Variants in LRRC28 observed in about 807,000 individuals in gnomAD.
LRRC28 encodes the protein leucine-rich repeat-containing protein 28.
In LRRC28, 39 loss-of-function variants were observed where a neutral mutation model predicts 45.7. The observed-to-expected ratio is 0.85, with a 90% CI of 0.66 to 1.12. The LOEUF is 1.12. LRRC28 is among the 50% of genes most tolerant of loss of function. LRRC28 has a pLI of 0.00. For synonymous variants in LRRC28, 206 were observed against 178.8 expected (o/e 1.15, Z -1.22); for missense variants, 435 against 438.5 (o/e 0.99, Z 0.07).
intron 6 of LRRC28, chr15:99,338,339 A>G (rs11853850): frequency 0.31 from 47,571 of 152,362 alleles, 8,596 homozygotes; most frequent in African/African-American, 0.51. Context: ...GCTAAGAACT[A>G]TCTGGGAGAG....
At chr15:99,257,131 A>G (rs1404367765) in intron 2 of LRRC28, among the ~76,000 whole-genome samples, 2 of 152,196 alleles carry the variant, frequency 1.3e-5, no homozygotes, top group African/African-American at 4.8e-5. Flanking sequence ...AAAGCATTAT[A>G]AAATTAGTTT....
At chr15:99,308,543 G>C (rs1033224097) in intron 5 of LRRC28, among the ~76,000 whole-genome samples, 1 of 152,078 alleles carries the variant, frequency 6.6e-6, no homozygotes, top group Admixed American at 6.6e-5. Flanking sequence ...GTGGTGGCAC[G>C]TGCCTGTAGT....
intron 5 of LRRC28, among the ~76,000 whole-genome samples, chr15:99,289,864 C>T (rs56341787): frequency 0.41 from 57,622 of 141,154 alleles, 11,852 homozygotes; most frequent in Middle Eastern, 0.64. Context: ...ACCCGGGAAG[C>T]GGAGCTTGCA....
At chr15:99,329,831 G>A (rs1430499804) in intron 5 of LRRC28, among the ~76,000 whole-genome samples, 3 of 152,168 alleles carry the variant, frequency 2.0e-5, no homozygotes, top group South Asian at 2.1e-4. Flanking sequence ...CTGGCTGCAC[G>A]TGGTCGCCAA....
intron 5 of LRRC28, among the ~76,000 whole-genome samples, chr15:99,292,223 TG>T (rs2082139061): frequency 6.6e-6 from 1 of 152,236 alleles, no homozygotes; most frequent in African/African-American, 2.4e-5. Flanking sequence ...GGTTTTCCCT[TG>T]CTGGAAGCCT....
At chr15:99,280,003 G>T (rs1021791652) in intron 3 of LRRC28, among the ~76,000 whole-genome samples, 14 of 152,070 alleles carry the variant, frequency 9.2e-5, no homozygotes, top group Non-Finnish European at 2.1e-4. Context: ...TTAGTCATTT[G>T]GATAGATATG....
At chr15:99,356,028 T>C (rs1597418125) in intron 7 of LRRC28, among the ~76,000 whole-genome samples, 2 of 152,356 alleles carry the variant, frequency 1.3e-5, no homozygotes, top group Middle Eastern at 6.8e-3. Flanking sequence ...TCAAGTGTGA[T>C]TGAAACTGTC....
chr15:99,307,409 A>G (rs1955226491), intron 5 of LRRC28, among the ~76,000 whole-genome samples: 1 of 152,258 alleles, frequency 6.6e-6, no homozygotes, highest in Non-Finnish European at 1.5e-5. Context: ...AAAAATTCTT[A>G]ACTGAAGTGG....
At chr15:99,314,394 C>T (rs1955518447) in intron 5 of LRRC28, among the ~76,000 whole-genome samples, 1 of 151,950 alleles carries the variant, frequency 6.6e-6, no homozygotes, top group Non-Finnish European at 1.5e-5. Flanking sequence ...GCTGTGATCA[C>T]ACAACTGCAC....
At chr15:99,304,494 G>C (rs1460494227) in intron 5 of LRRC28, among the ~76,000 whole-genome samples, 1 of 151,738 alleles carries the variant, frequency 6.6e-6, no homozygotes, top group African/African-American at 2.4e-5. Context: ...GCAGTGATGT[G>C]ATCTCCGCTC....
At chr15:99,284,102 C>T (rs1456013854) in intron 3 of LRRC28, among the ~76,000 whole-genome samples, 3 of 152,180 alleles carry the variant, frequency 2.0e-5, no homozygotes, top group Admixed American at 1.3e-4. Flanking sequence ...TATTAAGGTG[C>T]AGGTAGTGTG....
intron 2 of LRRC28, among the ~76,000 whole-genome samples, chr15:99,266,599 T>C (rs2081339086): frequency 6.6e-6 from 1 of 152,222 alleles, no homozygotes; most frequent in Non-Finnish European, 1.5e-5. Flanking sequence ...GGGCCATATC[T>C]AGCAAAACTA....
intron 5 of LRRC28, chr15:99,332,037 T>C (rs1956177484): frequency 6.6e-6 from 1 of 152,238 alleles, no homozygotes; most frequent in African/African-American, 2.4e-5. Context: ...ATGTCTGGGA[T>C]TGGTTACTCT....
intron 5 of LRRC28, among the ~76,000 whole-genome samples, chr15:99,296,156 T>G (rs1378792815): frequency 2.0e-5 from 3 of 152,216 alleles, no homozygotes; most frequent in Non-Finnish European, 4.4e-5. Flanking sequence ...CAGGCTGCAG[T>G]GATTTTTCAG....
chr15:99,265,360 G>A (rs1222180736), intron 2 of LRRC28, among the ~76,000 whole-genome samples: 2 of 152,208 alleles, frequency 1.3e-5, no homozygotes, highest in African/African-American at 2.4e-5. Context: ...TAAAGGAAGA[G>A]TGAATACGGA....
intron 2 of LRRC28, chr15:99,259,669 T>TG: frequency 7.1e-7 from 1 of 1,399,920 alleles, no homozygotes; most frequent in East Asian, 2.3e-5. Flanking sequence ...AGAAAACATT[T>TG]GAAATTAATC....
chr15:99,365,439 G>A (rs567179622), intron 9 of LRRC28, among the ~76,000 whole-genome samples: 2 of 152,202 alleles, frequency 1.3e-5, no homozygotes, highest in Non-Finnish European at 2.9e-5. Flanking sequence ...AGAGTTTGTG[G>A]CTTTCATTCA....
chr15:99,372,001 C>T (rs1421357984), intron 9 of LRRC28, among the ~76,000 whole-genome samples: 1 of 152,162 alleles, frequency 6.6e-6, no homozygotes, highest in African/African-American at 2.4e-5. Context: ...ACAGTCACTA[C>T]TAACATAAAT....
chr15:99,274,635 T>G (rs1271695294), intron 2 of LRRC28, among the ~76,000 whole-genome samples: 1 of 152,244 alleles, frequency 6.6e-6, no homozygotes, highest in Non-Finnish European at 1.5e-5. Context: ...AAATTCAAGT[T>G]TATGAAAAAT....
Sources: allele counts gnomAD v4.1 joint callset (sites outside exome capture counted in the v4.1 genomes callset), GRCh38; gene constraint gnomAD v4.1.1; transcripts MANE v1.5; gene names NCBI Gene and HGNC (gene_info 2026-07-23, HGNC 2026-07-21).